FER: variants seen among roughly 807,000 people sequenced by gnomAD.
FER encodes the protein tyrosine-protein kinase Fer.
In FER, 63 loss-of-function variants were observed where a neutral mutation model predicts 111.0. That is an observed-to-expected ratio of 0.57 (90% CI 0.46 to 0.70). The LOEUF (loss-of-function observed/expected upper bound fraction) is 0.70, where lower values mean the gene tolerates loss of function less well. Ranked by LOEUF, FER falls within the 30% of genes least tolerant of loss-of-function variation. The probability of loss-of-function intolerance (pLI) is 0.00; values close to 1 mark genes in which losing one functional copy is unlikely to be tolerated. For missense variants in FER, 914 were observed against 954.0 expected, an observed-to-expected ratio of 0.96 and a Z score of 0.55; for synonymous variants, 327 against 313.9, an observed-to-expected ratio of 1.04 and a Z score of -0.44.
In FER at chr5:108,867,775, A is replaced by G; in HGVS notation, c.490A>G (p.Thr164Ala). ...GTTTTTTTTTTTTTCAGGGAAGGAA[A>G]CTGAAAAGGCCAAGGAACGATACGA... ...YKEALAKGKE[T>A]EKAKERYDKA... The change falls in exon 6 of 20, where the codon ACT becomes GCT. Residue 164 changes from threonine (T) to alanine (A), a missense_variant. By Grantham distance (58) the Thr-to-Ala change is moderately conservative (BLOSUM62 0). Transcript: ENST00000281092. 6.2e-7 allele frequency: 1 copy of G among 1,601,034 alleles called. No individual in the cohort carries two copies.
Position 108,986,625 on chromosome 5 carries a change from A to C in FER, c.1656+27278A>C, listed in dbSNP as rs182387147. 4.7e-3 allele frequency among the ~76,000 whole-genome samples: 720 copies of C among 152,260 alleles called. 6 individuals carry two copies. Among genetic ancestry groups the C allele is most frequent in the African/African-American group, 0.016 (684 of 41,546 alleles). ...TCCATCTTGAGTTGATTTTGGTATAAGGTGAGAAATGAGGATCCAATTTCA... is the reference window on the plus strand; with the variant it reads ...TCCATCTTGAGTTGATTTTGGTATACGGTGAGAAATGAGGATCCAATTTCA... On this transcript the variant is annotated intron_variant, in intron 13 of 19. Transcript: ENST00000281092.
intron 17 of FER, among the ~76,000 whole-genome samples, chr5:109,131,846 C>A (rs1752392691): frequency 6.6e-6 from 1 of 152,056 alleles, no homozygotes; most frequent in African/African-American, 2.4e-5. Context: ...CATTGTTTAG[C>A]CATGTTAGTA....
At chr5:109,083,190 T>G (rs942181765) in intron 16 of FER, among the ~76,000 whole-genome samples, 1 of 152,102 alleles carries the variant, frequency 6.6e-6, no homozygotes, top group Non-Finnish European at 1.5e-5. Flanking sequence ...GAGAAAGCTC[T>G]TCATTTATTG....
chr5:108,869,705 T>A (rs1420597895), intron 6 of FER, among the ~76,000 whole-genome samples: 1 of 152,148 alleles, frequency 6.6e-6, no homozygotes, highest in Non-Finnish European at 1.5e-5. Context: ...TACAAATATT[T>A]CAGATTAGGG....
At chr5:108,791,673 G>C (rs1445652278) in intron 2 of FER, among the ~76,000 whole-genome samples, 1 of 151,708 alleles carries the variant, frequency 6.6e-6, no homozygotes, top group Non-Finnish European at 1.5e-5. Flanking sequence ...AAGCATGGAA[G>C]TTTTAAATTT....
intron 3 of FER, among the ~76,000 whole-genome samples, chr5:108,805,841 A>G (rs1757149789): frequency 6.6e-6 from 1 of 152,254 alleles, no homozygotes; most frequent in Non-Finnish European, 1.5e-5. Flanking sequence ...TAAAGGAAGC[A>G]GAGCATAAAA....
At chr5:109,016,589 A>G (rs1279677870) in intron 13 of FER, among the ~76,000 whole-genome samples, 1 of 152,076 alleles carries the variant, frequency 6.6e-6, no homozygotes, top group East Asian at 1.9e-4. Flanking sequence ...TGATAAAGCC[A>G]TGACCACAGA....
At chr5:108,963,852 A>T (rs949501692) in intron 13 of FER, among the ~76,000 whole-genome samples, 1 of 152,264 alleles carries the variant, frequency 6.6e-6, no homozygotes, top group Non-Finnish European at 1.5e-5. Context: ...CGCTGTTTAC[A>T]TTGTTAGTTT....
At chr5:108,791,482 T>A (rs888665674) in intron 2 of FER, among the ~76,000 whole-genome samples, 4 of 151,792 alleles carry the variant, frequency 2.6e-5, no homozygotes, top group Non-Finnish European at 5.9e-5. Context: ...TTCGTTTTTC[T>A]TATTATTGAG....
intron 13 of FER, among the ~76,000 whole-genome samples, chr5:109,005,662 C>A (rs188104711): frequency 3.1e-4 from 47 of 152,212 alleles, no homozygotes; most frequent in African/African-American, 4.6e-4. Flanking sequence ...AGCTAGGGAA[C>A]CTTTAGGTAA....
chr5:108,965,483 A>G (rs1399060153), intron 13 of FER, among the ~76,000 whole-genome samples: 3 of 152,228 alleles, frequency 2.0e-5, no homozygotes, highest in Non-Finnish European at 4.4e-5. Flanking sequence ...AGGAAAAAAA[A>G]CACTTGAGTA....
chr5:109,137,724 G>T (rs565723554), intron 17 of FER, among the ~76,000 whole-genome samples: 1 of 152,280 alleles, frequency 6.6e-6, no homozygotes, highest in South Asian at 2.1e-4. Flanking sequence ...CTGGCAAAAG[G>T]CCCATAAATG....
intron 8 of FER, among the ~76,000 whole-genome samples, chr5:108,878,849 A>G (rs752680809): frequency 8.5e-5 from 13 of 152,168 alleles, no homozygotes; most frequent in Non-Finnish European, 1.3e-4. Context: ...TTTGAAGCAT[A>G]TATATGGGAT....
chr5:108,855,707 A>T (rs945323821), intron 5 of FER, among the ~76,000 whole-genome samples: 2 of 152,192 alleles, frequency 1.3e-5, no homozygotes, highest in Admixed American at 6.5e-5. Flanking sequence ...CAAGTGATCA[A>T]CTAGGTTGAA....
At chr5:109,012,074 T>A (rs1175259372) in intron 13 of FER, among the ~76,000 whole-genome samples, 3 of 152,216 alleles carry the variant, frequency 2.0e-5, no homozygotes, top group East Asian at 1.9e-4. Context: ...CCATCTCTTC[T>A]CTGCATTCGC....
intron 17 of FER, among the ~76,000 whole-genome samples, chr5:109,123,369 G>T (rs531719439): frequency 1.3e-5 from 2 of 151,922 alleles, no homozygotes; most frequent in Non-Finnish European, 2.9e-5. Flanking sequence ...TGTTAGCCGG[G>T]ATGGTCTCGA....
intron 13 of FER, among the ~76,000 whole-genome samples, chr5:109,032,942 T>C (rs992731700): frequency 6.6e-6 from 1 of 152,228 alleles, no homozygotes; most frequent in Admixed American, 6.5e-5. Flanking sequence ...CAATCTGTTG[T>C]AGCTTCAAGA....
intron 17 of FER, among the ~76,000 whole-genome samples, chr5:109,128,159 T>C (rs1751954080): frequency 6.6e-6 from 1 of 152,136 alleles, no homozygotes; most frequent in African/African-American, 2.4e-5. Context: ...TATATTTTCC[T>C]ACCCTCTCCT....
chr5:108,948,853 G>C (rs947504976), intron 11 of FER, among the ~76,000 whole-genome samples: 1 of 151,990 alleles, frequency 6.6e-6, no homozygotes, highest in African/African-American at 2.4e-5. Flanking sequence ...AGCAGTCTTT[G>C]AAAAATATTC....
Sources: allele counts gnomAD v4.1 joint callset (sites outside exome capture counted in the v4.1 genomes callset), GRCh38; gene constraint gnomAD v4.1.1; transcripts MANE v1.5; gene names NCBI Gene and HGNC (gene_info 2026-07-23, HGNC 2026-07-21).